Variants in PPP2R3A observed in about 807,000 individuals in gnomAD.
PPP2R3A encodes the protein protein phosphatase 2 regulatory subunit B''alpha, also known as serine/threonine-protein phosphatase 2A regulatory subunit B'' subunit alpha.
PPP2R3A carries 80 observed loss-of-function variants against 106.9 expected under a neutral mutation model. That is an observed-to-expected ratio of 0.75 (90% CI 0.62 to 0.90). The LOEUF (loss-of-function observed/expected upper bound fraction) is 0.90. Among genes scored for constraint, PPP2R3A ranks in the 40% least tolerant of loss-of-function variants. The pLI is 0.00. For missense variants in PPP2R3A, 1,386 were observed against 1,350.4 expected, an observed-to-expected ratio of 1.03 and a Z score of -0.41; for synonymous variants, 483 against 468.3, an observed-to-expected ratio of 1.03 and a Z score of -0.41.
intron 3 of PPP2R3A, among the ~76,000 whole-genome samples, chr3:136,040,140 G>A (rs1935216279): frequency 6.6e-6 from 1 of 152,132 alleles, no homozygotes; most frequent in South Asian, 2.1e-4. Flanking sequence ...GATAGGTAGT[G>A]GAATATTAAC....
intron 10 of PPP2R3A, among the ~76,000 whole-genome samples, chr3:136,092,337 AAT>A (rs997351539): frequency 9.2e-5 from 14 of 152,158 alleles, no homozygotes; most frequent in African/African-American, 3.1e-4. Context: ...TCACCAAAAA[AAT>A]ATATATATTA....
intron 13 of PPP2R3A, among the ~76,000 whole-genome samples, chr3:136,139,791 G>A (rs1170534264): frequency 6.6e-6 from 1 of 151,610 alleles, no homozygotes; most frequent in African/African-American, 2.4e-5. Flanking sequence ...ATCACCTGAG[G>A]TTGGGAGTTC....
At chr3:136,128,340 CAA>C (rs1156708467) in intron 13 of PPP2R3A, among the ~76,000 whole-genome samples, 91 of 103,508 alleles carry the variant, frequency 8.8e-4, no homozygotes, top group Admixed American at 9.7e-4. Context: ...AAATGGAAAG[CAA>C]AAAAAAAAAA....
intron 1 of PPP2R3A, among the ~76,000 whole-genome samples, chr3:135,985,693 T>C (rs950406023): frequency 3.9e-5 from 6 of 152,164 alleles, no homozygotes; most frequent in African/African-American, 1.4e-4. Context: ...GTTATTAAGA[T>C]GTACTCTTAG....
rs555660212 is a variant in PPP2R3A, at chr3:136,091,171, C to A, written c.2927+504C>A. 2.0e-3 allele frequency among the ~76,000 whole-genome samples: 299 copies of A among 152,322 alleles called. 1 individual carries two copies. The highest frequency in any genetic ancestry group is 6.8e-3 in the Middle Eastern group (2 of 294). On this transcript the variant is annotated intron_variant, in intron 10 of 13. Coordinates refer to ENST00000264977, the MANE Select transcript of PPP2R3A (RefSeq NM_002718.5). ...TCCATGTCTTGTTTAGGCAAAAAAT[C>A]TAGATGCCTCGCTTCTTATCCCTAC...
intron 2 of PPP2R3A, among the ~76,000 whole-genome samples, chr3:136,023,837 T>C (rs1934553599): frequency 6.6e-6 from 1 of 151,970 alleles, no homozygotes; most frequent in Admixed American, 6.6e-5. Context: ...CTTTGCAGAG[T>C]CCCTACTTTC....
At position 136,041,266 on chromosome 3, in the gene PPP2R3A, T is replaced by G. The variant is rs1276379589; in HGVS notation, c.2366+304T>G. Among the ~76,000 whole-genome samples the G allele has an allele frequency of 1.5e-4, 20 of 129,128 alleles. 2 individuals are homozygous for G. Among genetic ancestry groups the G allele is most frequent in the African/African-American group, 5.5e-4 (19 of 34,484 alleles). 84.7% of individuals were successfully genotyped at this position (129,128 alleles called of 152,430 possible). ...TTTTTTTTTGTTTTTTTTTTTGTTT[T>G]TTTTTTTTTGAGACAGAATGTCACT... On this transcript the variant is annotated intron_variant, in intron 4 of 13. Coordinates refer to ENST00000264977, the MANE Select transcript of PPP2R3A (RefSeq NM_002718.5).
chr3:136,070,827 T>C (rs1936408078), intron 6 of PPP2R3A, among the ~76,000 whole-genome samples: 3 of 152,348 alleles, frequency 2.0e-5, no homozygotes, highest in Admixed American at 2.0e-4. Context: ...AATATTGATA[T>C]CCAGTTGATA....
In PPP2R3A at chr3:136,040,855, G is replaced by A. The variant is rs1441517115; in HGVS notation, c.2263-4G>A. 1.2e-6 allele frequency: 2 copies of A among 1,609,030 alleles called. No homozygotes were observed. Among genetic ancestry groups the A allele is most frequent in the Non-Finnish European group, 1.7e-6 (2 of 1,177,780 alleles). ...CTTACCCTGTATGTGTTTTCTATTT[G>A]CAGGTCTGTGGCTGTCCTCTCTATT... On this transcript the variant is annotated splice_region_variant and splice_polypyrimidine_tract_variant and intron_variant, in intron 3 of 13. Coordinates refer to ENST00000264977, the MANE Select transcript of PPP2R3A (RefSeq NM_002718.5).
chr3:135,981,180 A>G (rs1937535183), intron 1 of PPP2R3A, among the ~76,000 whole-genome samples: 1 of 151,796 alleles, frequency 6.6e-6, no homozygotes, highest in Non-Finnish European at 1.5e-5. Context: ...GACTTTTGTA[A>G]AGTAACTTGC....
chr3:136,107,567 T>C (rs926450638), intron 13 of PPP2R3A, among the ~76,000 whole-genome samples: 5 of 149,564 alleles, frequency 3.3e-5, no homozygotes, highest in African/African-American at 4.9e-5. Flanking sequence ...TCCAGCCCCA[T>C]AGATAAAGTC....
intron 10 of PPP2R3A, among the ~76,000 whole-genome samples, chr3:136,096,069 G>C (rs946198292): frequency 3.3e-5 from 5 of 152,114 alleles, no homozygotes; most frequent in Non-Finnish European, 7.3e-5. Flanking sequence ...TTATAATAAA[G>C]TATTGAGTAT....
intron 5 of PPP2R3A, among the ~76,000 whole-genome samples, chr3:136,065,325 AAAG>A (rs1936231383): frequency 6.6e-6 from 1 of 152,180 alleles, no homozygotes; most frequent in South Asian, 2.1e-4. Flanking sequence ...ATAACCAGCA[AAAG>A]ACCTAAAAGT....
At chr3:136,130,047 AC>A (rs771486027) in intron 13 of PPP2R3A, among the ~76,000 whole-genome samples, 1 of 152,178 alleles carries the variant, frequency 6.6e-6, no homozygotes, top group Non-Finnish European at 1.5e-5. Context: ...TGACAGACCC[AC>A]AACCAGTATC....
At chr3:136,072,270 C>T (rs975369797) in intron 6 of PPP2R3A, among the ~76,000 whole-genome samples, 1 of 152,090 alleles carries the variant, frequency 6.6e-6, no homozygotes, top group Non-Finnish European at 1.5e-5. Context: ...TCAATATGTA[C>T]TGAGTGAATA....
At chr3:136,068,033 A>G (rs1199151517) in intron 5 of PPP2R3A, among the ~76,000 whole-genome samples, 2 of 151,980 alleles carry the variant, frequency 1.3e-5, no homozygotes, top group African/African-American at 4.8e-5. Flanking sequence ...GAGACCAGCC[A>G]GGGCAACATG....
At chr3:136,000,514 A>C (rs1333862801) in intron 1 of PPP2R3A, among the ~76,000 whole-genome samples, 1 of 152,226 alleles carries the variant, frequency 6.6e-6, no homozygotes, top group Non-Finnish European at 1.5e-5. Context: ...TCTTTCAGTA[A>C]GCAAAAAGAA....
rs1372427858 is a variant in PPP2R3A, at chr3:136,082,366, T to C, written c.2733T>C (p.Asp911=). ...YVIYCKFWEL[D]TDHDLYISQA... is the part of the protein sequence containing the mutation. The stretch of plus-strand genomic sequence containing the variant: ...TTTATTGTAAATTCTGGGAACTAGA[T>C]ACTGATCACGACCTCTACATCAGCC... The change falls in exon 8 of 14, where the codon GAT becomes GAC. Residue 911 remains aspartate (D), a synonymous_variant. Coordinates refer to ENST00000264977, the MANE Select transcript of PPP2R3A (RefSeq NM_002718.5). 1 of 1,613,356 alleles carries C rather than the reference T, an allele frequency of 6.2e-7. No homozygotes were observed. The highest frequency in any genetic ancestry group is 1.3e-5 in the African/African-American group (1 of 74,912).
intron 1 of PPP2R3A, among the ~76,000 whole-genome samples, chr3:135,999,986 T>G (rs1389648163): frequency 6.6e-6 from 1 of 152,118 alleles, no homozygotes; most frequent in East Asian, 1.9e-4. Flanking sequence ...TGCCATTCTT[T>G]TAGTGAATCA....
Sources: gnomAD v4.1 joint callset for allele counts (sites outside exome capture counted in the v4.1 genomes callset) on GRCh38, gnomAD v4.1.1 for gene constraint, MANE v1.5 for transcripts, NCBI Gene and HGNC (gene_info 2026-07-23, HGNC 2026-07-21) for gene names.